The following EVC2 variants were observed in gnomAD, a reference collection of about 807,000 sequenced individuals.
EVC2 encodes the protein limbin.
EVC2 carries 148 observed loss-of-function variants against 149.3 expected under a neutral mutation model. The observed-to-expected ratio is 0.99, with a 90% CI of 0.87 to 1.14. The LOEUF (loss-of-function observed/expected upper bound fraction) is 1.14, where lower values mean the gene tolerates loss of function less well. Among genes scored for constraint, EVC2 ranks in the 50% most tolerant of loss-of-function variants. The pLI is 0.00. For missense variants in EVC2, 1,854 were observed against 1,627.3 expected (o/e 1.14, Z -2.40); for synonymous variants, 776 against 649.9 (o/e 1.19, Z -2.95).
At chr4:5,689,370 G>A (rs1464487406) in intron 4 of EVC2, 27 bp from the exon 5 acceptor site, 1 of 1,612,932 alleles carries the variant, frequency 6.2e-7, no homozygotes. Flanking sequence ...AGGCATGAGG[G>A]CAGATTTGCT....
At chr4:5,682,689 T>G (rs1720432917) in intron 6 of EVC2, among the ~76,000 whole-genome samples, 1 of 150,242 alleles carries the variant, frequency 6.7e-6, no homozygotes, top group African/African-American at 2.5e-5. Flanking sequence ...TGAAACCCTG[T>G]CTCTACTAAA....
chr4:5,683,127 T>C (rs542379845), intron 6 of EVC2, among the ~76,000 whole-genome samples: 2 of 152,326 alleles, frequency 1.3e-5, no homozygotes, highest in African/African-American at 4.8e-5. Context: ...GTAAGTCCTC[T>C]TTTCATAGGA....
chr4:5,626,182 G>C lies in EVC2; in HGVS notation c.1887-274C>G, dbSNP rs539123363. Among the ~76,000 whole-genome samples, 3 of 152,304 alleles carry C rather than the reference G, an allele frequency of 2.0e-5. No individual in the cohort carries two copies. In the East Asian group the frequency reaches 5.8e-4, roughly 29 times the overall value. ...CATTCGAGAGGACCACTCTGGTGCA[G>C]ACAGAAGTTTCCAAGGTGAGATGGT... On this transcript the variant is annotated intron_variant, in intron 12 of 21. Coordinates refer to ENST00000344408, the MANE Select transcript of EVC2 (RefSeq NM_147127.5).
Position 5,681,265 on chromosome 4 carries a change from C to G in EVC2, c.865G>C (p.Val289Leu), listed in dbSNP as rs560409382. 138 of 1,614,236 alleles carry G rather than the reference C, an allele frequency of 8.5e-5. No individual in the cohort carries two copies. The South Asian group carries it at 1.4e-3, about 16-fold the overall frequency. Reference protein sequence around the residue: ...VLFSITAEENVTVLPHHGLHA... With the variant: ...VLFSITAEENLTVLPHHGLHA... ...GGGCATGTCATGTCTCTTACCGTTA[C>G]GTTTTCTTCTGCTGTTATGGAAAAA... Residue 289 changes from valine (V) to leucine (L), a missense_variant, in exon 7 of 22, where the codon GTA (valine) becomes CTA (leucine). By Grantham distance (32) the Val-to-Leu change is conservative. Transcript: ENST00000344408.
Position 5,640,491 on chromosome 4 carries a change from C to T in EVC2, c.1470+23G>A. The stretch of plus-strand genomic sequence containing the variant: ...TCCCTGAGAGAAAGGGAAGTGAACG[C>T]CTTCCTTTCAGACCTGTCTTACCCT... On this transcript the variant is annotated intron_variant, in intron 10 of 21. Transcript: ENST00000344408. The surrounding 1 kb of genome is among the most constrained non-coding windows in gnomAD (Gnocchi z 4.6). 5 of 1,613,636 alleles carry T rather than the reference C, an allele frequency of 3.1e-6. No individual in the cohort carries two copies. The highest frequency in any genetic ancestry group is 4.2e-6 in the Non-Finnish European group (5 of 1,179,686).
intron 16 of EVC2, among the ~76,000 whole-genome samples, chr4:5,600,673 C>T (rs773606211): frequency 1.3e-5 from 2 of 152,136 alleles, no homozygotes; most frequent in Non-Finnish European, 2.9e-5. Context: ...CAAGAAGCAA[C>T]ATAATTTAAA....
At chr4:5,571,254 G>A (rs1722626908) in intron 19 of EVC2, among the ~76,000 whole-genome samples, 1 of 137,362 alleles carries the variant, frequency 7.3e-6, no homozygotes. Context: ...GGAGGTGGAG[G>A]TTGCAGTGAG....
At chr4:5,671,943 G>A (rs548598414) in intron 7 of EVC2, among the ~76,000 whole-genome samples, 21 of 152,360 alleles carry the variant, frequency 1.4e-4, no homozygotes, top group Admixed American at 7.8e-4. Flanking sequence ...TTGACCCCGT[G>A]TTTGGATGTG....
In EVC2 at chr4:5,665,650, C is replaced by G; in HGVS notation, c.871-1G>C. 1 of 1,614,112 alleles carries G rather than the reference C, an allele frequency of 6.2e-7. No individual in the cohort carries two copies. ...CGTGGAGGCCGTGGTGCGGCAGAAC[C>G]TGTGGAGACAAGAGGAGAGCAGGAT... On this transcript the variant is annotated splice_acceptor_variant, in intron 7 of 21. Transcript: ENST00000344408. LOFTEE classifies it high-confidence loss of function.
chr4:5,624,306 A>G (rs557073484), intron 13 of EVC2, among the ~76,000 whole-genome samples: 6 of 152,248 alleles, frequency 3.9e-5, no homozygotes, highest in Non-Finnish European at 8.8e-5. Context: ...TAAGAACTCA[A>G]TAAATATTAG....
At chr4:5,651,249 T>TAGAC (rs917066143) in intron 9 of EVC2, among the ~76,000 whole-genome samples, 5 of 149,676 alleles carry the variant, frequency 3.3e-5, no homozygotes, top group East Asian at 3.9e-4. Context: ...GTATGGATGA[T>TAGAC]AGATGGGTGG....
chr4:5,607,222 C>T (rs895620637), intron 16 of EVC2, among the ~76,000 whole-genome samples: 7 of 152,064 alleles, frequency 4.6e-5, no homozygotes, highest in Admixed American at 1.3e-4. Context: ...CTGGGACCGT[C>T]TCAAGCAAAT....
rs576049586 is a variant in EVC2, at chr4:5,637,343, A to G, written c.1470+3171T>C. Among the ~76,000 whole-genome samples the G allele has an allele frequency of 6.6e-5, 10 of 152,170 alleles. No individual in the cohort carries two copies. Among genetic ancestry groups the G allele is most frequent in the Non-Finnish European group, 7.3e-5 (5 of 68,040 alleles). On this transcript the variant is annotated intron_variant, in intron 10 of 21. Coordinates refer to ENST00000344408, the MANE Select transcript of EVC2 (RefSeq NM_147127.5). This position sits in a 1 kb window ranked among gnomAD's most constrained non-coding sequence, Gnocchi z 4.4. The stretch of plus-strand genomic sequence containing the variant: ...AGTGGTTGGGGGCATGCTGCTGGAC[A>G]TGAGGCTGACTGTCCTCGGGCAGGT...
At chr4:5,690,720 C>G (rs1175665564) in intron 4 of EVC2, among the ~76,000 whole-genome samples, 1 of 152,194 alleles carries the variant, frequency 6.6e-6, no homozygotes, top group African/African-American at 2.4e-5. Context: ...GAAGCTCATG[C>G]CTGGTCTCTC....
rs575617564 is a variant in EVC2 at position 5,622,674 on chromosome 4, G to T, written c.2364C>A (p.Ala788=). 2 of 1,614,024 alleles carry T rather than the reference G, an allele frequency of 1.2e-6. No individual in the cohort carries two copies. Among genetic ancestry groups the T allele is most frequent in the Admixed American group, 3.3e-5 (2 of 60,012 alleles). The change falls in exon 14 of 22, where the codon GCC becomes GCA. Residue 788 remains alanine, a synonymous_variant. Transcript: ENST00000344408. This position sits in a 1 kb window ranked among gnomAD's most constrained non-coding sequence, Gnocchi z 5.8. ...CCCTCTCCTCCCCCTCCAGCTGCTC[G>T]GCCCGTGCAGCCATCTCCTTGCCGT... ...EEHGKEMAAR[A]EQLEGEERDR...
At chr4:5,548,984 T>C (rs866936587) in intron 21 of EVC2, among the ~76,000 whole-genome samples, 7 of 113,328 alleles carry the variant, frequency 6.2e-5, no homozygotes, top group Admixed American at 9.0e-5. Flanking sequence ...TTTCTTTCTT[T>C]CTTCCGTCCC....
At chr4:5,690,750 C>T (rs1305733463) in intron 4 of EVC2, among the ~76,000 whole-genome samples, 12 of 152,182 alleles carry the variant, frequency 7.9e-5, no homozygotes, top group Admixed American at 7.9e-4. Flanking sequence ...GCGACATTCA[C>T]CTTTTTCCTT....
chr4:5,575,894 A>G (rs1722895245), intron 18 of EVC2, among the ~76,000 whole-genome samples: 1 of 152,236 alleles, frequency 6.6e-6, no homozygotes, highest in South Asian at 2.1e-4. Flanking sequence ...ATGTCAATTC[A>G]CATACCATGA....
chr4:5,694,986 C>T (rs764220906), intron 2 of EVC2, among the ~76,000 whole-genome samples: 4 of 152,124 alleles, frequency 2.6e-5, no homozygotes, highest in Non-Finnish European at 5.9e-5. Context: ...TCAGTGAACA[C>T]CACCAACCAC....
Sources: gnomAD v4.1 joint callset for allele counts (sites outside exome capture counted in the v4.1 genomes callset) on GRCh38, gnomAD v4.1.1 for gene constraint, Gnocchi (gnomAD v3.1) non-coding constraint, MANE v1.5 for transcripts, NCBI Gene and HGNC (gene_info 2026-07-23, HGNC 2026-07-21) for gene names.